PDE8B: variants seen among roughly 807,000 people sequenced by gnomAD.
PDE8B encodes the protein phosphodiesterase 8B.
Under a neutral mutation model 101.3 loss-of-function variants are expected in PDE8B, and 26 were observed. The ratio of observed to expected loss-of-function variants is 0.26; its 90% CI spans 0.19 to 0.36. PDE8B has a LOEUF of 0.36. Ranked by LOEUF, PDE8B falls within the 10% of genes least tolerant of loss-of-function variation. PDE8B has a pLI of 1.00. For missense variants in PDE8B, 810 were observed against 1,163.1 expected (o/e 0.70, Z 4.42); for synonymous variants, 424 against 429.3 (o/e 0.99, Z 0.15).
Position 77,346,368 on chromosome 5 carries a change from T to C in PDE8B, c.876+1437T>C, listed in dbSNP as rs182801978. On this transcript the variant is annotated intron_variant, in intron 7 of 21. Transcript: ENST00000264917. ...CGACTTGGACAATCGATTCTATTCA[T>C]GAAGCACATTTGCTTTGCACCTCCC... 2.4e-3 allele frequency among the ~76,000 whole-genome samples: 368 copies of C among 152,312 alleles called. 3 individuals carry two copies. Among genetic ancestry groups the C allele is most frequent in the South Asian group, 1.0e-2 (48 of 4,822 alleles).
chr5:77,297,779 C>A (rs1768930374), intron 1 of PDE8B, among the ~76,000 whole-genome samples: 1 of 152,220 alleles, frequency 6.6e-6, no homozygotes, highest in African/African-American at 2.4e-5. Flanking sequence ...AAACTCTGTT[C>A]TTTGCCATCC....
At chr5:77,221,307 T>C (rs567236559) in intron 1 of PDE8B, among the ~76,000 whole-genome samples, 1 of 152,340 alleles carries the variant, frequency 6.6e-6, no homozygotes, top group South Asian at 2.1e-4. Flanking sequence ...AGTTTGTTTG[T>C]TGAGGAACCT....
At chr5:77,102,733 G>A in the PDE8B span, among the ~76,000 whole-genome samples, 1 of 152,150 alleles carries the variant, frequency 6.6e-6, no homozygotes. Context: ...ATCTGGTCTG[G>A]AGAGTCAGGG....
the PDE8B span, among the ~76,000 whole-genome samples, chr5:77,125,676 A>T: frequency 6.6e-6 from 1 of 152,226 alleles, no homozygotes; most frequent in African/African-American, 2.4e-5. Flanking sequence ...ATGAACCTTG[A>T]AAACATTATG....
At chr5:77,119,052 G>A in the PDE8B span, 2 of 152,174 alleles carry the variant, frequency 1.3e-5, no homozygotes, top group East Asian at 1.9e-4. Flanking sequence ...TGTCAACAGA[G>A]GAAGGACCAA....
In PDE8B at chr5:77,211,039, A is replaced by C. The variant is rs912110659; in HGVS notation, c.114A>C (p.Ala38=). 2.0e-6 allele frequency: 3 copies of C among 1,532,288 alleles called. No homozygotes were observed. The highest frequency in any genetic ancestry group is 2.6e-6 in the Non-Finnish European group (3 of 1,150,168). 94.9% of individuals were successfully genotyped at this position (1,532,288 alleles called of 1,614,324 possible). A position where few individuals can be genotyped will look rare whatever the true frequency, so the allele number is the denominator to read the frequency against. ...QTTSVSQGPA[A]PLPGLFVQTD... ...CCAGCGTGTCGCAGGGCCCGGCGGCACCCCTGCCCGGCCTCTTCGTCCAGA... is the reference window on the plus strand; with the variant it reads ...CCAGCGTGTCGCAGGGCCCGGCGGCCCCCCTGCCCGGCCTCTTCGTCCAGA... Residue 38 remains alanine, a synonymous_variant, in exon 1 of 22, where the codon GCA becomes GCC. Transcript: ENST00000264917. The surrounding 1 kb of genome is among the most constrained non-coding windows in gnomAD (Gnocchi z 4.1).
intron 1 of PDE8B, chr5:77,291,443 T>G: frequency 1.2e-6 from 2 of 1,611,400 alleles, no homozygotes; most frequent in Non-Finnish European, 1.7e-6. Context: ...TTGCCCACGA[T>G]GCATCCATTG....
At chr5:77,155,637 G>A in the PDE8B span, among the ~76,000 whole-genome samples, 6 of 152,272 alleles carry the variant, frequency 3.9e-5, no homozygotes, top group East Asian at 1.9e-4. Flanking sequence ...TGGAGTAAGC[G>A]TGTGTTGGCT....
intron 1 of PDE8B, among the ~76,000 whole-genome samples, chr5:77,310,738 C>T (rs779009654): frequency 6.6e-6 from 1 of 152,086 alleles, no homozygotes; most frequent in East Asian, 1.9e-4. Context: ...TTAGAGGGCT[C>T]TTTGAGTTTT....
chr5:77,090,326 G>A, the PDE8B span, among the ~76,000 whole-genome samples: 7 of 152,132 alleles, frequency 4.6e-5, no homozygotes, highest in East Asian at 1.9e-4. Context: ...TGCAAGCTCC[G>A]CCTCCCGGGA....
rs757987272 is a variant in PDE8B at position 77,242,765 on chromosome 5, G to A, written c.339+31501G>A. ...TGGCTCACTGAAAGCTCCATCTCCC[G>A]GGTTCACGCCATTCTCCTGCCTCAG... is the stretch of plus-strand genomic sequence containing the variant. On this transcript the variant is annotated intron_variant, in intron 1 of 21. Coordinates refer to ENST00000264917, the MANE Select transcript of PDE8B (RefSeq NM_003719.5). 3.3e-5 allele frequency among the ~76,000 whole-genome samples: 5 copies of A among 152,058 alleles called. No individual in the cohort carries two copies. In the South Asian group the frequency reaches 6.2e-4, roughly 19 times the overall value.
At chr5:77,226,190 C>T (rs1272832345) in intron 1 of PDE8B, among the ~76,000 whole-genome samples, 2 of 151,754 alleles carry the variant, frequency 1.3e-5, no homozygotes, top group East Asian at 2.0e-4. Context: ...TATGCATCAA[C>T]GTAAAATATG....
chr5:77,168,886 G>A, the PDE8B span, among the ~76,000 whole-genome samples: 1 of 152,196 alleles, frequency 6.6e-6, no homozygotes, highest in Non-Finnish European at 1.5e-5. Flanking sequence ...TTGCAATCAT[G>A]TTTTTCAGCC....
Position 77,290,435 on chromosome 5 carries a change from T to G in PDE8B, c.340-21559T>G, listed in dbSNP as rs919595443. Reference sequence around the variant, plus strand: ...CAATAGCAAGAGTCCGACAGGCCAGTGTGGCAGACTATGAAGAAACTGTAA... The same window carrying G: ...CAATAGCAAGAGTCCGACAGGCCAGGGTGGCAGACTATGAAGAAACTGTAA... On this transcript the variant is annotated intron_variant, in intron 1 of 21. Coordinates refer to ENST00000264917, the MANE Select transcript of PDE8B (RefSeq NM_003719.5). 72 of 1,445,636 alleles carry G rather than the reference T, an allele frequency of 5.0e-5. No individual in the cohort carries two copies. The African/African-American group carries it at 8.4e-4, about 17-fold the overall frequency. The allele number at this position is 1,445,636 out of a possible 1,614,324, so 89.6% of individuals were successfully genotyped here. A position where few individuals can be genotyped will look rare whatever the true frequency, so the allele number is the denominator to read the frequency against.
chr5:77,288,427 CT>C (rs1439904039), intron 1 of PDE8B, among the ~76,000 whole-genome samples: 1 of 152,038 alleles, frequency 6.6e-6, no homozygotes, highest in Non-Finnish European at 1.5e-5. Context: ...TCTCACTGCA[CT>C]GGTATCTATC....
intron 2 of PDE8B, among the ~76,000 whole-genome samples, chr5:77,317,629 G>A: frequency 6.6e-6 from 1 of 152,194 alleles, no homozygotes; most frequent in Non-Finnish European, 1.5e-5. Context: ...CAGAGGAAGT[G>A]TTATGAGGCA....
the PDE8B span, among the ~76,000 whole-genome samples, chr5:77,111,190 C>T: frequency 2.0e-5 from 3 of 152,100 alleles, no homozygotes; most frequent in Non-Finnish European, 2.9e-5. Flanking sequence ...GTGAAGATGA[C>T]AGCTTAGACT....
the PDE8B span, among the ~76,000 whole-genome samples, chr5:77,123,358 C>T: frequency 4.1e-5 from 6 of 146,024 alleles, no homozygotes; most frequent in Admixed American, 6.8e-5. Context: ...TGAATTCCTC[C>T]CCCACCGCCC....
intron 1 of PDE8B, among the ~76,000 whole-genome samples, chr5:77,282,665 G>T (rs7706106): frequency 0.018 from 2,702 of 152,082 alleles, 85 homozygotes; most frequent in African/African-American, 0.062. Flanking sequence ...GCAGCTGGAG[G>T]TGGAGGAAAG....
Sources: allele counts gnomAD v4.1 joint callset (sites outside exome capture counted in the v4.1 genomes callset), GRCh38; gene constraint gnomAD v4.1.1; non-coding constraint Gnocchi (gnomAD v3.1); transcripts MANE v1.5; gene names NCBI Gene and HGNC (gene_info 2026-07-23, HGNC 2026-07-21).